Variants in WDR72 observed in about 807,000 individuals in gnomAD.
WDR72 encodes the protein WD repeat domain 72.
Under a neutral mutation model 124.2 loss-of-function variants are expected in WDR72, and 120 were observed. That is an observed-to-expected ratio of 0.97 (90% CI 0.83 to 1.12). WDR72 has a LOEUF of 1.12. Ranked by LOEUF, WDR72 falls within the 50% of genes most tolerant of loss-of-function variation. WDR72 has a pLI of 0.00. For synonymous variants in WDR72, 452 were observed against 441.7 expected, an observed-to-expected ratio of 1.02 and a Z score of -0.29; for missense variants, 1,387 against 1,278.8, an observed-to-expected ratio of 1.08 and a Z score of -1.29.
intron 2 of WDR72, among the ~76,000 whole-genome samples, chr15:53,728,640 G>A (rs745323608): frequency 6.6e-6 from 1 of 152,206 alleles, no homozygotes; most frequent in Non-Finnish European, 1.5e-5. Context: ...ACAGGCGGAA[G>A]AGCAGAACAT....
chr15:53,712,921 T>A, intron 6 of WDR72, 30 bp from the exon 7 acceptor site: 1 of 1,610,806 alleles, frequency 6.2e-7, no homozygotes, highest in Middle Eastern at 1.7e-4. Flanking sequence ...CTTTTAGTAC[T>A]AGTTCCAGGT....
chr15:53,672,267 A>C (rs2016018828), intron 13 of WDR72, among the ~76,000 whole-genome samples: 1 of 147,032 alleles, frequency 6.8e-6, no homozygotes, highest in South Asian at 2.4e-4. Context: ...CAGAGACACA[A>C]AGCCTTAAGC....
chr15:53,692,619 C>A (rs2016879573), intron 13 of WDR72, among the ~76,000 whole-genome samples: 2 of 152,098 alleles, frequency 1.3e-5, no homozygotes, highest in South Asian at 4.1e-4. Context: ...CTTAAGAGAT[C>A]AAATTTTGAC....
At chr15:53,608,253 G>C (rs2013372574) in intron 17 of WDR72, among the ~76,000 whole-genome samples, 2 of 152,220 alleles carry the variant, frequency 1.3e-5, no homozygotes, top group South Asian at 4.1e-4. Flanking sequence ...AGCAACCTAA[G>C]TATTTGGAAG....
rs372292678 is a variant in WDR72 at position 53,651,754 on chromosome 15, G to A, written c.1962+13818C>T. ...TGCAACGCCTGCCTCCCAGGTTCAA[G>A]CAATTCTCCTGTCTCAGCCTCCCGA... On this transcript the variant is annotated intron_variant, in intron 14 of 19. Coordinates refer to ENST00000360509, the MANE Select transcript of WDR72 (RefSeq NM_182758.4). Among the ~76,000 whole-genome samples, 81 of 152,248 alleles carry A rather than the reference G, an allele frequency of 5.3e-4. No homozygotes were observed. In the East Asian group the frequency reaches 0.015, roughly 28 times the overall value.
At chr15:53,599,391 T>C (rs1304804763) in intron 17 of WDR72, among the ~76,000 whole-genome samples, 1 of 152,154 alleles carries the variant, frequency 6.6e-6, no homozygotes, top group Admixed American at 6.6e-5. Flanking sequence ...TGAAAACGTT[T>C]GTATTTCCTA....
At chr15:53,549,196 G>T (rs1017279665) in intron 18 of WDR72, among the ~76,000 whole-genome samples, 1 of 152,174 alleles carries the variant, frequency 6.6e-6, no homozygotes, top group African/African-American at 2.4e-5. Flanking sequence ...GATAGGCATG[G>T]TTTGTGCCCT....
intron 14 of WDR72, among the ~76,000 whole-genome samples, chr15:53,657,060 C>G (rs548922231): frequency 1.6e-4 from 24 of 151,778 alleles, no homozygotes; most frequent in Admixed American, 2.0e-4. Context: ...GTCAGGAGAT[C>G]GAGACCATCC....
chr15:53,660,949 C>T (rs529630748), intron 14 of WDR72, among the ~76,000 whole-genome samples: 221 of 152,250 alleles, frequency 1.5e-3, no homozygotes, highest in African/African-American at 5.2e-3. Flanking sequence ...TCTCCTCAGA[C>T]CTCATGATCT....
chr15:53,704,048 C>T (rs935332316), intron 11 of WDR72, among the ~76,000 whole-genome samples: 2 of 152,144 alleles, frequency 1.3e-5, no homozygotes, highest in African/African-American at 4.8e-5. Context: ...CCATTTACTC[C>T]TCCACTTCAG....
Position 53,746,909 on chromosome 15 carries a change from C to G in WDR72, c.-13+12724G>C, listed in dbSNP as rs185880161. Reference sequence around the variant, plus strand: ...TAGATAGGACAGCAGAGTAAAGTGGCTTGGCCAGTGTCACACAGCTAGCTA... The same window carrying G: ...TAGATAGGACAGCAGAGTAAAGTGGGTTGGCCAGTGTCACACAGCTAGCTA... On this transcript the variant is annotated intron_variant, in intron 1 of 19. Transcript: ENST00000360509. 5.5e-3 allele frequency among the ~76,000 whole-genome samples: 835 copies of G among 152,276 alleles called. 7 individuals carry two copies. Among genetic ancestry groups the G allele is most frequent in the African/African-American group, 0.019 (800 of 41,556 alleles).
intron 13 of WDR72, among the ~76,000 whole-genome samples, chr15:53,674,579 G>A (rs983091103): frequency 6.6e-6 from 1 of 152,232 alleles, no homozygotes; most frequent in African/African-American, 2.4e-5. Flanking sequence ...AAGGGAATGA[G>A]TCTTAAAACA....
At chr15:53,522,945 A>G (rs1355657786) in intron 19 of WDR72, among the ~76,000 whole-genome samples, 2 of 152,032 alleles carry the variant, frequency 1.3e-5, no homozygotes, top group African/African-American at 4.8e-5. Context: ...GGCTCTATTA[A>G]CCATTTAGCC....
At chr15:53,689,130 A>G (rs1395549129) in intron 13 of WDR72, among the ~76,000 whole-genome samples, 6 of 152,360 alleles carry the variant, frequency 3.9e-5, no homozygotes, top group African/African-American at 1.4e-4. Flanking sequence ...AAACCTAGGC[A>G]TTACCATTCA....
chr15:53,561,699 C>T (rs868392827), intron 18 of WDR72, among the ~76,000 whole-genome samples: 7 of 151,892 alleles, frequency 4.6e-5, no homozygotes, highest in Middle Eastern at 6.8e-3. Flanking sequence ...TTCAAAAGCC[C>T]TGCTTTAATG....
intron 4 of WDR72, among the ~76,000 whole-genome samples, chr15:53,715,830 T>A (rs958650680): frequency 6.6e-6 from 1 of 152,106 alleles, no homozygotes; most frequent in Non-Finnish European, 1.5e-5. Context: ...AGAGAAAAAA[T>A]TAATAGCAAC....
intron 1 of WDR72, among the ~76,000 whole-genome samples, chr15:53,753,327 C>T (rs2018819482): frequency 1.3e-5 from 2 of 152,210 alleles, no homozygotes; most frequent in Non-Finnish European, 2.9e-5. Context: ...AGAAGCCTCC[C>T]TAATGCCCAC....
At chr15:53,706,368 A>ATGTGTGTG (rs1555426251) in intron 9 of WDR72, among the ~76,000 whole-genome samples, 3 of 50,266 alleles carry the variant, frequency 6.0e-5, no homozygotes, top group African/African-American at 2.3e-4. Flanking sequence ...ATATATATAT[A>ATGTGTGTG]TATATATATA....
At chr15:53,623,300 ATTG>A (rs2014076069) in intron 14 of WDR72, among the ~76,000 whole-genome samples, 1 of 151,758 alleles carries the variant, frequency 6.6e-6, no homozygotes, top group Non-Finnish European at 1.5e-5. Flanking sequence ...CCCAGTGGCT[ATTG>A]TTGTCATCTT....
Sources: gnomAD v4.1 joint callset for allele counts (sites outside exome capture counted in the v4.1 genomes callset) on GRCh38, gnomAD v4.1.1 for gene constraint, MANE v1.5 for transcripts, NCBI Gene and HGNC (gene_info 2026-07-23, HGNC 2026-07-21) for gene names.